PCK2: variants seen among roughly 807,000 people sequenced by gnomAD.
The protein encoded by PCK2 is phosphoenolpyruvate carboxykinase 2, mitochondrial.
In PCK2, 56 loss-of-function variants were observed where a neutral mutation model predicts 65.9. That is an observed-to-expected ratio of 0.85 (90% CI 0.69 to 1.06). The LOEUF (loss-of-function observed/expected upper bound fraction) is 1.06, where lower values mean the gene tolerates loss of function less well. Among genes scored for constraint, PCK2 ranks in the 50% least tolerant of loss-of-function variants. PCK2 has a pLI of 0.00. For synonymous variants in PCK2, 305 were observed against 319.6 expected (o/e 0.95, Z 0.49); for missense variants, 843 against 863.1 (o/e 0.98, Z 0.29).
rs1193364826 is a variant in PCK2 at position 24,103,730 on chromosome 14, G to A, written c.1689G>A (p.Glu563=). Residue 563 remains glutamate, a synonymous_variant, in exon 10 of 10, where the codon GAG becomes GAA. Transcript: ENST00000216780. Reference sequence around the variant, plus strand: ...TAGACTGGATCTGCCGGCGGTTAGAGGGGGAGGACAGTGCCCGAGAGACAC... The same window carrying A: ...TAGACTGGATCTGCCGGCGGTTAGAAGGGGAGGACAGTGCCCGAGAGACAC... The part of the protein sequence containing the change: ...RVLDWICRRL[E]GEDSARETPI... 13 of 1,614,134 alleles carry A rather than the reference G, an allele frequency of 8.1e-6. No individual in the cohort carries two copies. The highest frequency in any genetic ancestry group is 1.1e-5 in the Non-Finnish European group (13 of 1,180,034).
chr14:24,098,139 A>T, intron 2 of PCK2, 64 bp from the exon 3 acceptor site: 3 of 1,422,492 alleles, frequency 2.1e-6, no homozygotes, highest in African/African-American at 1.4e-5. Flanking sequence ...GACTTGAAAA[A>T]GTGGGTCTAG....
chr14:24,095,429 C>T (rs1416203654), intron 1 of PCK2: 6 of 352,492 alleles, frequency 1.7e-5, no homozygotes, highest in Non-Finnish European at 2.8e-5. Context: ...ATCATCTATC[C>T]TGCTTTAGCG....
chr14:24,103,253 A>G lies in PCK2; in HGVS notation c.1466A>G (p.Lys489Arg). The G allele has an allele frequency of 6.2e-7, 1 of 1,611,322 alleles. No individual in the cohort carries two copies. The highest frequency in any genetic ancestry group is 8.5e-7 in the Non-Finnish European group (1 of 1,177,518). Residue 489 changes from lysine (K) to arginine (R), a missense_variant and splice_region_variant, in exon 9 of 10, where the codon AAA becomes AGA. Coordinates refer to ENST00000216780, the MANE Select transcript of PCK2 (RefSeq NM_004563.4). Reference protein sequence around the residue: ...RSESTAAAEHKGKIIMHDPFA... With the variant: ...RSESTAAAEHRGKIIMHDPFA... ...GAGTCCACTGCTGCAGCAGAACACAAAGGTGAGCACCCTCACCATTCCTCC... is the reference window on the plus strand; with the variant it reads ...GAGTCCACTGCTGCAGCAGAACACAGAGGTGAGCACCCTCACCATTCCTCC...
rs1594290924 is a variant in PCK2, at chr14:24,097,472, G to C, written c.275+335G>C. ...CCAGCTACTTGGGAGGGTGAGGCAGGAGAATCACTTAAACCCAAGAGGCGG... is the reference window on the plus strand; with the variant it reads ...CCAGCTACTTGGGAGGGTGAGGCAGCAGAATCACTTAAACCCAAGAGGCGG... On this transcript the variant is annotated intron_variant, in intron 2 of 9. Coordinates refer to ENST00000216780, the MANE Select transcript of PCK2 (RefSeq NM_004563.4). Among the ~76,000 whole-genome samples the C allele has an allele frequency of 2.6e-5, 4 of 151,830 alleles. No individual in the cohort carries two copies. In the East Asian group the frequency reaches 7.8e-4, roughly 30 times the overall value.
At position 24,100,134 on chromosome 14, in the gene PCK2, C is replaced by G; in HGVS notation, c.1155C>G (p.Gly385=). The part of the protein sequence containing the change: ...FTNVAETSDG[G]VYWEGIDQPL... ...ATGTGGCTGAGACCAGTGATGGTGG[C>G]GTGTACTGGGAGGGCATTGACCAGC... The change falls in exon 7 of 10, where the codon GGC becomes GGG. Residue 385 remains glycine, a synonymous_variant. Coordinates refer to ENST00000216780, the MANE Select transcript of PCK2 (RefSeq NM_004563.4). 1.2e-6 allele frequency: 2 copies of G among 1,613,396 alleles called. No homozygotes were observed. Among genetic ancestry groups the G allele is most frequent in the Non-Finnish European group, 1.7e-6 (2 of 1,179,572 alleles).
Position 24,102,896 on chromosome 14 carries a change from C to A in PCK2, c.1372+6C>A. On this transcript the variant is annotated splice_donor_region_variant and intron_variant, in intron 8 of 9. Transcript: ENST00000216780. ...TGGTGGCCGCAGACCCAAAGGTAAACAACATATGAGCTCCATGTTCTTGGC... is the reference window on the plus strand; with the variant it reads ...TGGTGGCCGCAGACCCAAAGGTAAAAAACATATGAGCTCCATGTTCTTGGC... 6.2e-7 allele frequency: 1 copy of A among 1,612,474 alleles called. No individual in the cohort carries two copies. Among genetic ancestry groups the A allele is most frequent in the Non-Finnish European group, 8.5e-7 (1 of 1,179,308 alleles).
At chr14:24,097,216 T>C in intron 2 of PCK2, 79 bp downstream of exon 2, 6 of 1,302,506 alleles carry the variant, frequency 4.6e-6, no homozygotes, top group Non-Finnish European at 6.6e-6. Context: ...TCAACTTAAC[T>C]AGAACATCCC....
At chr14:24,097,360 G>T (rs2036933060) in intron 2 of PCK2, among the ~76,000 whole-genome samples, 1 of 146,846 alleles carries the variant, frequency 6.8e-6, no homozygotes, top group South Asian at 2.2e-4. Context: ...GGACCAGCCT[G>T]ACCAACATGG....
chr14:24,100,029 C>G lies in PCK2; in HGVS notation c.1050C>G (p.Phe350Leu). Residue 350 changes from phenylalanine (F) to leucine (L), a missense_variant, in exon 7 of 10, where the codon TTC (phenylalanine) becomes TTG (leucine). By Grantham distance (22) the Phe-to-Leu change is conservative. Coordinates refer to ENST00000216780, the MANE Select transcript of PCK2 (RefSeq NM_004563.4). ...GGGCCATCAACCCTGAGAACGGCTT[C>G]TTTGGGGTTGCCCCTGGTACCTCTG... ...RLRAINPENG[F>L]FGVAPGTSAT... 1 of 1,614,144 alleles carries G rather than the reference C, an allele frequency of 6.2e-7. No homozygotes were observed. Among genetic ancestry groups the G allele is most frequent in the Non-Finnish European group, 8.5e-7 (1 of 1,179,976 alleles).
rs773126920 is a variant in PCK2, at chr14:24,099,928, C to A, written c.1016-67C>A. 8 of 1,613,520 alleles carry A rather than the reference C, an allele frequency of 5.0e-6. No homozygotes were observed. The African/African-American group carries it at 5.3e-5, about 11-fold the overall frequency. On this transcript the variant is annotated intron_variant, in intron 6 of 9. Coordinates refer to ENST00000216780, the MANE Select transcript of PCK2 (RefSeq NM_004563.4). ...CAGGACAGGGGTGGGTGGAGCAGGA[C>A]CTTCTTTGGTCTTACATCTCAAGTT... is the stretch of plus-strand genomic sequence containing the variant.
At position 24,099,697 on chromosome 14, in the gene PCK2, C is replaced by T. The variant is rs1249597280; in HGVS notation, c.992C>T (p.Ala331Val). The part of the protein sequence containing the change: ...WKVECVGDDI[A>V]WMRFDSEGRL... The stretch of plus-strand genomic sequence containing the variant: ...GTGGAGTGTGTGGGGGATGATATTG[C>T]TTGGATGAGGTTTGACAGTGAAGGT... Residue 331 changes from alanine to valine, a missense_variant, in exon 6 of 10, where the codon GCT becomes GTT. Ala to Val is a moderately conservative substitution (Grantham distance 64). Transcript: ENST00000216780. The T allele has an allele frequency of 1.2e-6, 2 of 1,614,040 alleles. No homozygotes were observed. The highest frequency in any genetic ancestry group is 1.7e-6 in the Non-Finnish European group (2 of 1,179,876).
chr14:24,097,207 C>G (rs1168330114), intron 2 of PCK2, 70 bp downstream of exon 2: 1 of 1,405,496 alleles, frequency 7.1e-7, no homozygotes, highest in Non-Finnish European at 1.0e-6. Flanking sequence ...AAGGCAAAAT[C>G]AACTTAACTA....
In PCK2 at chr14:24,103,539, A is replaced by C. The variant is rs775896036; in HGVS notation, c.1498A>C (p.Met500Leu). 2 of 1,563,124 alleles carry C rather than the reference A, an allele frequency of 1.3e-6. No homozygotes were observed. Among genetic ancestry groups the C allele is most frequent in the Admixed American group, 3.7e-5 (2 of 54,648 alleles). Residue 500 changes from methionine to leucine, a missense_variant, in exon 10 of 10, where the codon ATG becomes CTG. Physicochemically the swap from Met to Leu is conservative, Grantham distance 15 (BLOSUM62 2). Transcript: ENST00000216780. ...GKIIMHDPFA[M>L]RPFFGYNFGH... ...GATCATCATGCACGACCCATTTGCC[A>C]TGCGGCCCTTTTTTGGCTACAACTT... is the stretch of plus-strand genomic sequence containing the variant.
Position 24,097,016 on chromosome 14 carries a change from G to T in PCK2, c.154G>T (p.Ala52Ser), listed in dbSNP as rs1202470079. 6.2e-7 allele frequency: 1 copy of T among 1,613,422 alleles called. No homozygotes were observed. Among genetic ancestry groups the T allele is most frequent in the Non-Finnish European group, 8.5e-7 (1 of 1,179,810 alleles). ...TGIRDFVEHS[A>S]RLCQPEGIHI... is the part of the protein sequence containing the mutation. ...CATTCGAGATTTTGTAGAGCACAGTGCCCGCCTGTGCCAACCAGAGGGCAT... is the reference window on the plus strand; with the variant it reads ...CATTCGAGATTTTGTAGAGCACAGTTCCCGCCTGTGCCAACCAGAGGGCAT... Residue 52 changes from alanine to serine, a missense_variant, in exon 2 of 10, where the codon GCC becomes TCC. Ala to Ser is a moderately conservative substitution (Grantham distance 99, BLOSUM62 1). Coordinates refer to ENST00000216780, the MANE Select transcript of PCK2 (RefSeq NM_004563.4).
chr14:24,095,900 G>A (rs960858862), intron 1 of PCK2, among the ~76,000 whole-genome samples: 2 of 152,158 alleles, frequency 1.3e-5, no homozygotes, highest in African/African-American at 4.8e-5. Flanking sequence ...TTACCCGAGG[G>A]CAACATTTTA....
chr14:24,103,234 A>C lies in PCK2; in HGVS notation c.1447A>C (p.Thr483Pro). The C allele has an allele frequency of 5.0e-6, 8 of 1,613,860 alleles. No homozygotes were observed. The highest frequency in any genetic ancestry group is 5.1e-6 in the Non-Finnish European group (6 of 1,179,768). Residue 483 changes from threonine to proline, a missense_variant, in exon 9 of 10, where the codon ACT becomes CCT. Transcript: ENST00000216780. ...FVGSAMRSESTAAAEHKGKII... is the reference protein window; with the variant it reads ...FVGSAMRSESPAAAEHKGKII... ...GGGCAGCGCCATGCGCTCTGAGTCC[A>C]CTGCTGCAGCAGAACACAAAGGTGA...
chr14:24,102,753 G>A lies in PCK2; in HGVS notation c.1235G>A (p.Gly412Asp), dbSNP rs771412007. The A allele has an allele frequency of 1.9e-6, 3 of 1,612,760 alleles. No individual in the cohort carries two copies. The highest frequency in any genetic ancestry group is 2.5e-6 in the Non-Finnish European group (3 of 1,179,326). ...ATAGTGTTTGTATTTCCTCTGCCAGGTGACAAGGAGCCCTGTGCACATCCC... is the reference window on the plus strand; with the variant it reads ...ATAGTGTTTGTATTTCCTCTGCCAGATGACAAGGAGCCCTGTGCACATCCC... ...TSWLGKPWKP[G>D]DKEPCAHPNS... is the part of the protein sequence containing the mutation. Residue 412 changes from glycine (G) to aspartate (D), a missense_variant and splice_region_variant, in exon 8 of 10, where the codon GGT (glycine) becomes GAT (aspartate). Coordinates refer to ENST00000216780, the MANE Select transcript of PCK2 (RefSeq NM_004563.4).
chr14:24,095,475 G>T (rs9783666), intron 1 of PCK2: 24,175 of 327,894 alleles, frequency 0.074, 974 homozygotes, highest in African/African-American at 0.097. Context: ...ACAGACTCAA[G>T]CTCCCGTATC....
At chr14:24,102,425 C>T (rs1194224914) in intron 7 of PCK2, among the ~76,000 whole-genome samples, 3 of 152,066 alleles carry the variant, frequency 2.0e-5, no homozygotes, top group African/African-American at 2.4e-5. Context: ...ATTATTATAA[C>T]CTTATGCCCA....
Sources: allele counts gnomAD v4.1 joint callset (sites outside exome capture counted in the v4.1 genomes callset), GRCh38; gene constraint gnomAD v4.1.1; transcripts MANE v1.5; gene names NCBI Gene and HGNC (gene_info 2026-07-23, HGNC 2026-07-21).